Variants in GALNT17 observed in about 807,000 individuals in gnomAD.
GALNT17 encodes the protein polypeptide N-acetylgalactosaminyltransferase 17.
In GALNT17, 29 loss-of-function variants were observed where a neutral mutation model predicts 63.7. That is an observed-to-expected ratio of 0.46 (90% confidence interval 0.34 to 0.62). The LOEUF (loss-of-function observed/expected upper bound fraction) is 0.62. GALNT17 is among the 20% of genes least tolerant of loss of function. The probability of loss-of-function intolerance (pLI) is 0.01; values close to 1 mark genes in which losing one functional copy is unlikely to be tolerated. For missense variants in GALNT17, 603 were observed against 799.6 expected, an observed-to-expected ratio of 0.75 and a Z score of 2.97; for synonymous variants, 305 against 318.3, an observed-to-expected ratio of 0.96 and a Z score of 0.45.
chr7:71,245,000 C>T (rs915775357), intron 1 of GALNT17, among the ~76,000 whole-genome samples: 1 of 151,992 alleles, frequency 6.6e-6, no homozygotes, highest in Admixed American at 6.6e-5. Context: ...GGGAAGGACC[C>T]CTAGGAAGAA....
intron 5 of GALNT17, among the ~76,000 whole-genome samples, chr7:71,449,051 A>G (rs1317996024): frequency 1.4e-5 from 2 of 139,708 alleles, no homozygotes; most frequent in Admixed American, 7.4e-5. Flanking sequence ...GTACTTCTCT[A>G]TGTGTTTGCT....
At chr7:71,317,762 C>T (rs981408717) in intron 1 of GALNT17, among the ~76,000 whole-genome samples, 4 of 152,102 alleles carry the variant, frequency 2.6e-5, no homozygotes. Context: ...TTCTCCAAGA[C>T]GTTGGATTTT....
At chr7:71,708,345 C>T (rs1227740716) in intron 9 of GALNT17, among the ~76,000 whole-genome samples, 2 of 152,050 alleles carry the variant, frequency 1.3e-5, no homozygotes, top group African/African-American at 2.4e-5. Context: ...GGGAAGAGAG[C>T]ATGTGCAGGG....
intron 1 of GALNT17, among the ~76,000 whole-genome samples, chr7:71,255,326 G>A (rs1488802439): frequency 2.0e-5 from 3 of 152,176 alleles, no homozygotes; most frequent in Admixed American, 1.3e-4. Flanking sequence ...GAGTATCCCT[G>A]CACAAGCTCT....
intron 6 of GALNT17, among the ~76,000 whole-genome samples, chr7:71,642,228 T>C (rs1790614453): frequency 6.6e-6 from 1 of 152,196 alleles, no homozygotes; most frequent in East Asian, 1.9e-4. Context: ...AGAAAGCTAT[T>C]GTCCTAGCCT....
At chr7:71,613,848 C>A (rs969956062) in intron 6 of GALNT17, among the ~76,000 whole-genome samples, 1 of 149,854 alleles carries the variant, frequency 6.7e-6, no homozygotes, top group Admixed American at 6.7e-5. Context: ...CCTGTAGTCC[C>A]AGCTGAGGCA....
At chr7:71,654,822 C>G (rs1790804621) in intron 6 of GALNT17, among the ~76,000 whole-genome samples, 1 of 152,050 alleles carries the variant, frequency 6.6e-6, no homozygotes, top group Non-Finnish European at 1.5e-5. Context: ...TGGAGTCTTG[C>G]TTGTCGCCCA....
In GALNT17 at chr7:71,533,954, A is replaced by G. The variant is rs77764664; in HGVS notation, c.963-37331A>G. 3.5e-3 allele frequency among the ~76,000 whole-genome samples: 533 copies of G among 152,270 alleles called. 2 individuals are homozygous for G. Among genetic ancestry groups the G allele is most frequent in the African/African-American group, 0.013 (521 of 41,556 alleles). Reference sequence around the variant, plus strand: ...GGCGTCTCTTTAAATCATGTGTGGCAAAACAGGAATTCGGAGTAAGGAATT... The same window carrying G: ...GGCGTCTCTTTAAATCATGTGTGGCGAAACAGGAATTCGGAGTAAGGAATT... On this transcript the variant is annotated intron_variant, in intron 5 of 10. Coordinates refer to ENST00000333538, the MANE Select transcript of GALNT17 (RefSeq NM_022479.3).
At chr7:71,412,539 G>GTT (rs932667488) in intron 3 of GALNT17, among the ~76,000 whole-genome samples, 1 of 151,994 alleles carries the variant, frequency 6.6e-6, no homozygotes, top group African/African-American at 2.4e-5. Flanking sequence ...CACCCGGCTA[G>GTT]TTTTTGTATT....
chr7:71,137,676 C>T (rs1562852545), intron 1 of GALNT17, among the ~76,000 whole-genome samples: 1 of 152,172 alleles, frequency 6.6e-6, no homozygotes, highest in Non-Finnish European at 1.5e-5. Context: ...GCCATCTTGC[C>T]TCCGCCATCT....
intron 5 of GALNT17, among the ~76,000 whole-genome samples, chr7:71,491,977 G>A (rs994454036): frequency 6.6e-6 from 1 of 152,064 alleles, no homozygotes; most frequent in Admixed American, 6.6e-5. Context: ...GTAACATGGC[G>A]AGAGTCCATC....
intron 9 of GALNT17, among the ~76,000 whole-genome samples, chr7:71,709,096 A>T (rs1791757018): frequency 6.6e-6 from 1 of 152,206 alleles, no homozygotes; most frequent in Non-Finnish European, 1.5e-5. Flanking sequence ...ATTGCAGGTC[A>T]AACAGTAGTT....
At chr7:71,401,487 C>A (rs911635594) in intron 3 of GALNT17, among the ~76,000 whole-genome samples, 13 of 152,160 alleles carry the variant, frequency 8.5e-5, no homozygotes, top group African/African-American at 2.7e-4. Context: ...CCCCAACCCC[C>A]CAGGCCATAA....
At chr7:71,433,409 T>C (rs1235877382) in intron 5 of GALNT17, among the ~76,000 whole-genome samples, 1 of 152,178 alleles carries the variant, frequency 6.6e-6, no homozygotes, top group East Asian at 1.9e-4. Context: ...GGCTTTGGGG[T>C]AGAAGTGATG....
chr7:71,352,044 A>G (rs572937241), intron 2 of GALNT17, among the ~76,000 whole-genome samples: 1 of 152,164 alleles, frequency 6.6e-6, no homozygotes, highest in South Asian at 2.1e-4. Context: ...CCCCACCCAA[A>G]TCTCATCTTG....
chr7:71,285,102 A>G (rs1449165444), intron 1 of GALNT17, among the ~76,000 whole-genome samples: 1 of 152,246 alleles, frequency 6.6e-6, no homozygotes, highest in Non-Finnish European at 1.5e-5. Context: ...TTGCTAAGTT[A>G]AAGAAAGCCG....
chr7:71,476,477 T>C (rs376876244), intron 5 of GALNT17, among the ~76,000 whole-genome samples: 1 of 151,596 alleles, frequency 6.6e-6, no homozygotes. Context: ...AAGGTGGTAT[T>C]GCCAAGTGAA....
At chr7:71,172,102 G>A (rs117276396) in intron 1 of GALNT17, among the ~76,000 whole-genome samples, 2,443 of 152,258 alleles carry the variant, frequency 0.016, 32 homozygotes, top group Non-Finnish European at 0.026. Flanking sequence ...ATGGGAAACA[G>A]AATATATGAA....
chr7:71,520,986 T>C (rs901016624), intron 5 of GALNT17, among the ~76,000 whole-genome samples: 1 of 152,176 alleles, frequency 6.6e-6, no homozygotes, highest in Non-Finnish European at 1.5e-5. Context: ...CTTCAGACAC[T>C]GTCAGAAGTG....
Sources: allele counts gnomAD v4.1 joint callset (sites outside exome capture counted in the v4.1 genomes callset), GRCh38; gene constraint gnomAD v4.1.1; transcripts MANE v1.5; gene names NCBI Gene and HGNC (gene_info 2026-07-23, HGNC 2026-07-21).